The following PDE4D variants were observed in gnomAD, a reference collection of about 807,000 sequenced individuals.
The protein encoded by PDE4D is phosphodiesterase 4D.
PDE4D carries 24 observed loss-of-function variants against 87.4 expected under a neutral mutation model. The ratio of observed to expected loss-of-function variants is 0.27; its 90% CI spans 0.20 to 0.39. PDE4D has a LOEUF of 0.39. Among genes scored for constraint, PDE4D ranks in the 10% least tolerant of loss-of-function variants. PDE4D has a pLI of 1.00. For missense variants in PDE4D, 714 were observed against 1,041.0 expected, an observed-to-expected ratio of 0.69 and a Z score of 4.32; for synonymous variants, 384 against 383.2, an observed-to-expected ratio of 1.00 and a Z score of -0.02.
intron 1 of PDE4D, among the ~76,000 whole-genome samples, chr5:60,305,038 T>TAC (rs35539982): frequency 0.19 from 25,940 of 135,634 alleles, 2,127 homozygotes; most frequent in Middle Eastern, 0.27. Context: ...TTTTGAGCTA[T>TAC]ACACACACAC....
intron 1 of PDE4D, among the ~76,000 whole-genome samples, chr5:59,535,464 G>T (rs777148873): frequency 2.0e-5 from 3 of 152,152 alleles, no homozygotes; most frequent in Non-Finnish European, 4.4e-5. Context: ...CTGTTGTGAT[G>T]CTAATGAAAC....
At chr5:59,880,549 G>A (rs1749292013) in intron 1 of PDE4D, among the ~76,000 whole-genome samples, 1 of 152,222 alleles carries the variant, frequency 6.6e-6, no homozygotes, top group South Asian at 2.1e-4. Flanking sequence ...GAACATGCTT[G>A]ACAAAGTTAC....
At chr5:59,381,686 C>A (rs943599340) in intron 1 of PDE4D, among the ~76,000 whole-genome samples, 4 of 152,036 alleles carry the variant, frequency 2.6e-5, no homozygotes, top group Non-Finnish European at 5.9e-5. Context: ...CTTTCTAAGT[C>A]CCTCTAATAT....
intron 1 of PDE4D, among the ~76,000 whole-genome samples, chr5:60,482,307 C>G (rs554864485): frequency 4.6e-5 from 7 of 152,202 alleles, no homozygotes; most frequent in South Asian, 4.1e-4. Context: ...ATTCTAGCCT[C>G]CAGAACTGTA....
intron 5 of PDE4D, chr5:59,125,256 G>A (rs1775218115): frequency 2.0e-6 from 2 of 984,104 alleles, no homozygotes; most frequent in Non-Finnish European, 2.4e-6. Context: ...TCCCTATGAA[G>A]TACAGCCAGA....
intron 1 of PDE4D, among the ~76,000 whole-genome samples, chr5:60,303,509 G>A (rs906682918): frequency 1.3e-5 from 2 of 151,584 alleles, no homozygotes; most frequent in East Asian, 2.0e-4. Flanking sequence ...GGGTTTCACC[G>A]TGTTAGCCAG....
At chr5:60,074,571 T>C (rs1773077311) in intron 2 of PDE4D, among the ~76,000 whole-genome samples, 1 of 152,216 alleles carries the variant, frequency 6.6e-6, no homozygotes, top group Non-Finnish European at 1.5e-5. Context: ...TTGTGAATTT[T>C]CTGCCTCAAT....
At chr5:60,282,682 T>C (rs970399304) in intron 1 of PDE4D, among the ~76,000 whole-genome samples, 5 of 152,184 alleles carry the variant, frequency 3.3e-5, no homozygotes, top group African/African-American at 4.8e-5. Flanking sequence ...CTTAATTACT[T>C]CTTCAAAGAT....
chr5:59,384,763 T>A (rs1786634257), intron 1 of PDE4D, among the ~76,000 whole-genome samples: 2 of 149,938 alleles, frequency 1.3e-5, no homozygotes, highest in South Asian at 4.2e-4. Context: ...AATATGCTTA[T>A]ACTGGGTTTT....
At chr5:60,270,297 A>G (rs1172675028) in intron 1 of PDE4D, among the ~76,000 whole-genome samples, 2 of 152,212 alleles carry the variant, frequency 1.3e-5, no homozygotes, top group Non-Finnish European at 2.9e-5. Flanking sequence ...TTACAGTTAC[A>G]TAAACTAGAA....
intron 1 of PDE4D, among the ~76,000 whole-genome samples, chr5:59,375,357 T>G (rs550236539): frequency 6.6e-6 from 1 of 152,242 alleles, no homozygotes; most frequent in South Asian, 2.1e-4. Context: ...AAGGGGGATA[T>G]TACCACTGAC....
At chr5:59,043,682 T>C (rs1428099518) in intron 5 of PDE4D, among the ~76,000 whole-genome samples, 1 of 152,142 alleles carries the variant, frequency 6.6e-6, no homozygotes, top group Non-Finnish European at 1.5e-5. Flanking sequence ...ATTAGGTATA[T>C]CTCCTAATGC....
At chr5:59,783,084 C>T (rs1023031403) in intron 1 of PDE4D, among the ~76,000 whole-genome samples, 2 of 152,186 alleles carry the variant, frequency 1.3e-5, no homozygotes, top group Non-Finnish European at 2.9e-5. Flanking sequence ...ATTCTAGAAA[C>T]AATGTCTGAA....
intron 2 of PDE4D, among the ~76,000 whole-genome samples, chr5:60,048,489 T>C (rs528453432): frequency 2.0e-5 from 3 of 152,338 alleles, no homozygotes; most frequent in Admixed American, 2.0e-4. Flanking sequence ...GGCATGATTT[T>C]GCAGTGGCTG....
intron 1 of PDE4D, among the ~76,000 whole-genome samples, chr5:59,736,099 G>A (rs1362192121): frequency 6.6e-6 from 1 of 151,488 alleles, no homozygotes; most frequent in Non-Finnish European, 1.5e-5. Flanking sequence ...TTGTGCACAT[G>A]TACCCTAAAA....
intron 5 of PDE4D, among the ~76,000 whole-genome samples, chr5:59,064,358 T>A (rs1048879088): frequency 2.6e-5 from 4 of 152,160 alleles, no homozygotes; most frequent in Non-Finnish European, 4.4e-5. Context: ...TGGTACTCTT[T>A]CAGGTGAGCT....
At position 59,053,660 on chromosome 5, in the gene PDE4D, TG is replaced by T. The variant is rs67923608; in HGVS notation, c.809-14690del. On this transcript the variant is annotated intron_variant, in intron 5 of 14. Coordinates refer to ENST00000340635, the MANE Select transcript of PDE4D (RefSeq NM_001104631.2). ...TTTGTTTTTTGTTTTTTTTTGTTGT[TG>T]TTTTTTTTTTTTGGCCAGGCACGGT... Among the ~76,000 whole-genome samples, 154 of 85,372 alleles carry T rather than the reference TG, an allele frequency of 1.8e-3. 5 individuals carry two copies. The highest frequency in any genetic ancestry group is 7.8e-3 in the Middle Eastern group (1 of 128). The allele number at this position is 85,372 out of a possible 152,430, so 56.0% of individuals were successfully genotyped here. A position where few individuals can be genotyped will look rare whatever the true frequency, so the allele number is the denominator to read the frequency against.
At chr5:59,656,447 G>T (rs1744374473) in intron 1 of PDE4D, among the ~76,000 whole-genome samples, 1 of 152,192 alleles carries the variant, frequency 6.6e-6, no homozygotes, top group Admixed American at 6.5e-5. Flanking sequence ...GTGGAGTCAA[G>T]ATATGCTTTC....
chr5:59,992,301 T>TGTAAAG (rs1763088472), intron 2 of PDE4D, among the ~76,000 whole-genome samples: 1 of 152,192 alleles, frequency 6.6e-6, no homozygotes, highest in Non-Finnish European at 1.5e-5. Flanking sequence ...GCACTGCCAC[T>TGTAAAG]TTACTTACTT....
Sources: allele counts gnomAD v4.1 joint callset (sites outside exome capture counted in the v4.1 genomes callset), GRCh38; gene constraint gnomAD v4.1.1; transcripts MANE v1.5; gene names NCBI Gene and HGNC (gene_info 2026-07-23, HGNC 2026-07-21).